SLC35F3: variants seen among roughly 807,000 people sequenced by gnomAD.
The protein encoded by SLC35F3 is solute carrier family 35 member F3.
Under a neutral mutation model 49.9 loss-of-function variants are expected in SLC35F3, and 25 were observed. That is an observed-to-expected ratio of 0.50 (90% CI 0.37 to 0.70). The LOEUF (loss-of-function observed/expected upper bound fraction) is 0.70, where lower values mean the gene tolerates loss of function less well. SLC35F3 is among the 30% of genes least tolerant of loss of function. SLC35F3 has a pLI of 0.00. For missense variants in SLC35F3, 525 were observed against 639.8 expected (o/e 0.82, Z 1.94); for synonymous variants, 275 against 265.4 (o/e 1.04, Z -0.35).
At chr1:234,169,464 C>T (rs1420949776) in intron 2 of SLC35F3, among the ~76,000 whole-genome samples, 3 of 152,206 alleles carry the variant, frequency 2.0e-5, no homozygotes, top group Non-Finnish European at 4.4e-5. Flanking sequence ...CAGGCTCTAA[C>T]ATTCTGGGAT....
intron 3 of SLC35F3, among the ~76,000 whole-genome samples, chr1:234,288,861 T>G (rs560592847): frequency 6.6e-6 from 1 of 152,302 alleles, no homozygotes; most frequent in African/African-American, 2.4e-5. Flanking sequence ...CCACACTGCC[T>G]CCTGATCAAA....
At position 234,316,674 on chromosome 1, in the gene SLC35F3, G is replaced by A. The variant is rs373070068; in HGVS notation, c.901G>A (p.Val301Ile). The A allele has an allele frequency of 1.7e-5, 27 of 1,613,286 alleles. No individual in the cohort carries two copies. Among genetic ancestry groups the A allele is most frequent in the African/African-American group, 1.2e-4 (9 of 75,058 alleles). ...TYADGFHSHS[V>I]IGIALVVASA... is the part of the protein sequence containing the mutation. ...CGCTGATGGCTTCCACAGCCACTCC[G>A]TCATCGGCATCGCACTGGTGGTGGC... The change falls in exon 5 of 8, where the codon GTC (valine) becomes ATC (isoleucine). Residue 301 changes from valine (V) to isoleucine (I), a missense_variant. Physicochemically the swap from Val to Ile is conservative, Grantham distance 29 (BLOSUM62 3). Around this residue, in one of 4 missense-constraint regions of SLC35F3, gnomAD observed 216 missense variants for 298.1 expected, o/e 0.72. Coordinates refer to ENST00000366618, the MANE Select transcript of SLC35F3 (RefSeq NM_173508.4).
intron 3 of SLC35F3, among the ~76,000 whole-genome samples, chr1:234,262,952 T>A (rs1348901998): frequency 6.6e-6 from 1 of 152,214 alleles, no homozygotes; most frequent in African/African-American, 2.4e-5. Context: ...GCTGCTTACA[T>A]TCCCAGGTTG....
At chr1:234,082,443 T>A (rs1308009605) in intron 2 of SLC35F3, among the ~76,000 whole-genome samples, 2 of 152,308 alleles carry the variant, frequency 1.3e-5, no homozygotes, top group African/African-American at 4.8e-5. Flanking sequence ...AGTGTTTGCT[T>A]GTTTTTTGGT....
At chr1:234,312,379 G>A (rs1046706610) in intron 4 of SLC35F3, among the ~76,000 whole-genome samples, 3 of 152,176 alleles carry the variant, frequency 2.0e-5, no homozygotes, top group Admixed American at 6.5e-5. Flanking sequence ...GGGGATCATG[G>A]ACCTTTTTCC....
chr1:234,029,836 T>TG (rs1385828300), intron 2 of SLC35F3, among the ~76,000 whole-genome samples: 1 of 152,078 alleles, frequency 6.6e-6, no homozygotes. Context: ...CACTCCAGCC[T>TG]GGGCAATAGA....
At chr1:234,177,367 G>A (rs1666491628) in intron 2 of SLC35F3, among the ~76,000 whole-genome samples, 1 of 152,120 alleles carries the variant, frequency 6.6e-6, no homozygotes, top group Admixed American at 6.5e-5. Context: ...AAGGCTTCAG[G>A]TTAAACCATA....
At chr1:234,203,127 AG>A (rs1438636946) in intron 2 of SLC35F3, among the ~76,000 whole-genome samples, 5 of 152,260 alleles carry the variant, frequency 3.3e-5, no homozygotes, top group Non-Finnish European at 7.3e-5. Flanking sequence ...AAAAATAAAA[AG>A]GATGTGAGGA....
At chr1:233,986,526 G>T in intron 2 of SLC35F3, among the ~76,000 whole-genome samples, 1 of 152,144 alleles carries the variant, frequency 6.6e-6, no homozygotes, top group South Asian at 2.1e-4. Context: ...ATTATATGTT[G>T]TTATATATTA....
At chr1:234,002,656 C>T (rs969886094) in intron 2 of SLC35F3, among the ~76,000 whole-genome samples, 6 of 152,120 alleles carry the variant, frequency 3.9e-5, no homozygotes, top group African/African-American at 1.4e-4. Context: ...CAGATTCCCC[C>T]ACTATAAAGT....
chr1:234,033,716 G>A (rs55989934), intron 2 of SLC35F3, among the ~76,000 whole-genome samples: 55,467 of 152,004 alleles, frequency 0.36, 11,130 homozygotes, highest in Middle Eastern at 0.47. Flanking sequence ...TGGTCTATGC[G>A]CCTATTTTTA....
chr1:234,267,293 C>T (rs1275440397), intron 3 of SLC35F3, among the ~76,000 whole-genome samples: 1 of 128,380 alleles, frequency 7.8e-6, no homozygotes, highest in Non-Finnish European at 1.6e-5. Flanking sequence ...CACACAGACC[C>T]GGCAACCATC....
chr1:234,276,687 C>T (rs1262874297), intron 3 of SLC35F3, among the ~76,000 whole-genome samples: 1 of 152,204 alleles, frequency 6.6e-6, no homozygotes, highest in Non-Finnish European at 1.5e-5. Flanking sequence ...ATTGCGACAA[C>T]TCTCATTCAA....
intron 2 of SLC35F3, among the ~76,000 whole-genome samples, chr1:234,120,044 T>A (rs1416313437): frequency 6.6e-6 from 1 of 152,172 alleles, no homozygotes; most frequent in African/African-American, 2.4e-5. Context: ...AGGTGCAGGC[T>A]GCAGAAGGGA....
At chr1:234,082,930 G>A (rs557312730) in intron 2 of SLC35F3, among the ~76,000 whole-genome samples, 4 of 152,216 alleles carry the variant, frequency 2.6e-5, no homozygotes, top group African/African-American at 9.6e-5. Context: ...GATTTGGGTG[G>A]GGACACAACC....
intron 2 of SLC35F3, among the ~76,000 whole-genome samples, chr1:234,225,300 C>T (rs1251473098): frequency 6.6e-6 from 1 of 152,150 alleles, no homozygotes; most frequent in Non-Finnish European, 1.5e-5. Context: ...AGACAAGTTA[C>T]ACTTGCAAAT....
At chr1:234,226,955 A>ACG (rs1163164761) in intron 2 of SLC35F3, among the ~76,000 whole-genome samples, 51 of 141,692 alleles carry the variant, frequency 3.6e-4, no homozygotes, top group East Asian at 2.5e-3. Context: ...GCGTGCGCGC[A>ACG]CGCGTGCACA....
At chr1:234,260,568 A>C (rs142738463) in intron 3 of SLC35F3, among the ~76,000 whole-genome samples, 5,580 of 152,256 alleles carry the variant, frequency 0.037, 176 homozygotes, top group South Asian at 0.17. Flanking sequence ...TTTGAACGGT[A>C]AGACTAGCCT....
chr1:234,279,256 G>A (rs1054220951), intron 3 of SLC35F3, among the ~76,000 whole-genome samples: 4 of 152,158 alleles, frequency 2.6e-5, no homozygotes, highest in Non-Finnish European at 4.4e-5. Flanking sequence ...GGGGCAATCA[G>A]ATATGCATCT....
Sources: gnomAD v4.1 joint callset for allele counts (sites outside exome capture counted in the v4.1 genomes callset) on GRCh38, gnomAD v4.1.1 for gene constraint, gnomAD v4.1.1 regional missense constraint, MANE v1.5 for transcripts, NCBI Gene and HGNC (gene_info 2026-07-23, HGNC 2026-07-21) for gene names.